Variants in TEX2 observed in about 807,000 individuals in gnomAD.
TEX2 encodes testis expressed 2, also known as testis-expressed protein 2.
TEX2 carries 53 observed loss-of-function variants against 106.9 expected under a neutral mutation model. The ratio of observed to expected loss-of-function variants is 0.50; its 90% CI spans 0.40 to 0.62. TEX2 has a LOEUF of 0.62. TEX2 is among the 20% of genes least tolerant of loss of function. TEX2 has a pLI of 0.00. For missense variants in TEX2, 1,207 were observed against 1,379.0 expected, an observed-to-expected ratio of 0.88 and a Z score of 1.98; for synonymous variants, 523 against 534.8, an observed-to-expected ratio of 0.98 and a Z score of 0.30.
At chr17:64,196,669 C>T (rs967667503) in intron 2 of TEX2, among the ~76,000 whole-genome samples, 1 of 152,156 alleles carries the variant, frequency 6.6e-6, no homozygotes, top group African/African-American at 2.4e-5. Context: ...TCAGAGCATC[C>T]GTTTGGGTGG....
rs574021878 is a variant in TEX2 at position 64,174,556 on chromosome 17, T to C, written c.2571+2769A>G. Among the ~76,000 whole-genome samples the C allele has an allele frequency of 6.6e-5, 10 of 152,292 alleles. No homozygotes were observed. The South Asian group carries it at 2.1e-3, about 32-fold the overall frequency. On this transcript the variant is annotated intron_variant, in intron 6 of 11. Coordinates refer to ENST00000584379, the MANE Select transcript of TEX2 (RefSeq NM_001288732.2). ...CTTCTGTTAAGGTCATTCCTCCTGT[T>C]CTTTTCGACAATAAACTGTTTTCTT...
chr17:64,183,708 G>A (rs762631317), intron 5 of TEX2, among the ~76,000 whole-genome samples: 1 of 152,172 alleles, frequency 6.6e-6, no homozygotes, highest in Non-Finnish European at 1.5e-5. Flanking sequence ...GATTATAGGC[G>A]TGAGCCACCG....
Position 64,188,192 on chromosome 17 carries a change from C to T in TEX2, c.2400G>A (p.Glu800=). Residue 800 remains glutamate, a synonymous_variant, in exon 5 of 12, where the codon GAG becomes GAA. Transcript: ENST00000584379. The part of the protein sequence containing the change: ...SPQRSPLQSA[E]SSPTAGKKLP... Reference sequence around the variant, plus strand: ...CCTTCTTCCCAGCTGTGGGGCTGCTCTCCGCACTCTGCAGGGGGCTCCTCT... The same window carrying T: ...CCTTCTTCCCAGCTGTGGGGCTGCTTTCCGCACTCTGCAGGGGGCTCCTCT... 1 of 1,610,712 alleles carries T rather than the reference C, an allele frequency of 6.2e-7. No homozygotes were observed. The highest frequency in any genetic ancestry group is 8.5e-7 in the Non-Finnish European group (1 of 1,179,988).
At chr17:64,161,046 C>T (rs998495384) in intron 7 of TEX2, 113 bp from the exon 8 acceptor site, 3 of 1,134,968 alleles carry the variant, frequency 2.6e-6, no homozygotes, top group Non-Finnish European at 3.8e-6. Context: ...GTCCATGTAT[C>T]GTCTACTACT....
chr17:64,152,715 A>T (rs1033212633), intron 10 of TEX2, among the ~76,000 whole-genome samples: 3 of 152,220 alleles, frequency 2.0e-5, no homozygotes, highest in South Asian at 2.1e-4. Flanking sequence ...TCATGTATTG[A>T]CTTTAACTTT....
rs1049028412 is a variant in TEX2 at position 64,185,995 on chromosome 17, C to T, written c.2424+2173G>A. On this transcript the variant is annotated intron_variant, in intron 5 of 11. Coordinates refer to ENST00000584379, the MANE Select transcript of TEX2 (RefSeq NM_001288732.2). The surrounding 1 kb of genome is among the most constrained non-coding windows in gnomAD (Gnocchi z 4.0). ...TGCTTAAAGGGTAAGTGCCAGGTGG[C>T]TGGAACAAGAGAGCCCCTGACAGCA... Among the ~76,000 whole-genome samples, 2 of 152,130 alleles carry T rather than the reference C, an allele frequency of 1.3e-5. No homozygotes were observed. The highest frequency in any genetic ancestry group is 4.8e-5 in the African/African-American group (2 of 41,424).
At position 64,193,862 on chromosome 17, in the gene TEX2, G is replaced by T. The variant is rs1351916907; in HGVS notation, c.1873C>A (p.Arg625=). ...TACTTTTTATTCCAGATTCGCTTTCGAGCCAAAGTTTTAGGTACAAGATAA... is the reference window on the plus strand; with the variant it reads ...TACTTTTTATTCCAGATTCGCTTTCTAGCCAAAGTTTTAGGTACAAGATAA... ...KIYLVPKTLA[R]KRIWNKKYPI... The change falls in exon 4 of 12, where the codon CGA becomes AGA. Residue 625 remains arginine (R), a synonymous_variant. Transcript: ENST00000584379. 6.4e-7 allele frequency: 1 copy of T among 1,566,110 alleles called. No individual in the cohort carries two copies. The highest frequency in any genetic ancestry group is 8.7e-7 in the Non-Finnish European group (1 of 1,151,594).
rs1049037616 is a variant in TEX2, at chr17:64,169,343, C to T, written c.2671+1757G>A. Reference sequence around the variant, plus strand: ...CGTGAGCCACCGCACTCAGCCAATGCATCTTTTACAATTTTGCATGGGGTT... The same window carrying T: ...CGTGAGCCACCGCACTCAGCCAATGTATCTTTTACAATTTTGCATGGGGTT... On this transcript the variant is annotated intron_variant, in intron 7 of 11. Coordinates refer to ENST00000584379, the MANE Select transcript of TEX2 (RefSeq NM_001288732.2). Among the ~76,000 whole-genome samples the T allele has an allele frequency of 2.1e-4, 32 of 152,290 alleles. No individual in the cohort carries two copies. The East Asian group carries it at 2.5e-3, about 12-fold the overall frequency.
At chr17:64,156,922 G>A (rs2030656356) in intron 8 of TEX2, among the ~76,000 whole-genome samples, 2 of 152,228 alleles carry the variant, frequency 1.3e-5, no homozygotes, top group Non-Finnish European at 1.5e-5. Flanking sequence ...GCTGTGGCAA[G>A]CTCTCAGGTT....
chr17:64,233,609 C>G (rs1385817015), intron 1 of TEX2, among the ~76,000 whole-genome samples: 1 of 152,040 alleles, frequency 6.6e-6, no homozygotes, highest in Non-Finnish European at 1.5e-5. Flanking sequence ...CATGCATACC[C>G]AGAAAGAGAC....
At chr17:64,175,496 G>A (rs1433074500) in intron 6 of TEX2, among the ~76,000 whole-genome samples, 1 of 152,196 alleles carries the variant, frequency 6.6e-6, no homozygotes, top group African/African-American at 2.4e-5. Flanking sequence ...CCAGGAGGAC[G>A]GGGGCACCTT....
intron 7 of TEX2, among the ~76,000 whole-genome samples, chr17:64,169,061 C>T (rs1476992516): frequency 6.6e-6 from 1 of 151,848 alleles, no homozygotes; most frequent in Admixed American, 6.6e-5. Flanking sequence ...TTTTTTAAGA[C>T]AGAGTCTCGC....
intron 1 of TEX2, among the ~76,000 whole-genome samples, chr17:64,247,268 C>CA (rs35005734): frequency 0.045 from 3,348 of 74,556 alleles, 105 homozygotes; most frequent in African/African-American, 0.14. Context: ...GACTCTGTCT[C>CA]AAAAAAAAAA....
chr17:64,186,980 G>C (rs754620778), intron 5 of TEX2, among the ~76,000 whole-genome samples: 7 of 152,178 alleles, frequency 4.6e-5, no homozygotes, highest in Non-Finnish European at 1.0e-4. Context: ...AGCGAGCCAA[G>C]GGGCCCCTGG....
At chr17:64,252,761 C>A (rs782001930) in intron 1 of TEX2, among the ~76,000 whole-genome samples, 1 of 151,994 alleles carries the variant, frequency 6.6e-6, no homozygotes, top group East Asian at 1.9e-4. Flanking sequence ...GGGTATATAA[C>A]GCGGAGCAAA....
rs781819425 is a variant in TEX2, at chr17:64,213,785, C to G, written c.433G>C (p.Ala145Pro). Reference sequence around the variant, plus strand: ...AGGGATGACACACTGGGAGAGCTAGCTAAGGGCCCCGACGAAGACGACCCT... The same window carrying G: ...AGGGATGACACACTGGGAGAGCTAGGTAAGGGCCCCGACGAAGACGACCCT... ...SPGSSSSGPL[A>P]SSPSVSSLSE... The change falls in exon 2 of 12, where the codon GCT (alanine) becomes CCT (proline). Residue 145 changes from alanine (A) to proline (P), a missense_variant. By Grantham distance (27) the Ala-to-Pro change is conservative (BLOSUM62 -1). This residue lies in a region of TEX2 where 1,067 missense variants were observed against 1,193.6 expected (regional missense o/e 0.89). Coordinates refer to ENST00000584379, the MANE Select transcript of TEX2 (RefSeq NM_001288732.2). The surrounding 1 kb of genome is among the most constrained non-coding windows in gnomAD (Gnocchi z 4.4). The G allele has an allele frequency of 3.1e-6, 5 of 1,614,062 alleles. No homozygotes were observed. The highest frequency in any genetic ancestry group is 3.3e-5 in the Admixed American group (2 of 60,006).
At chr17:64,216,657 T>A (rs1350502130) in intron 1 of TEX2, among the ~76,000 whole-genome samples, 1 of 152,152 alleles carries the variant, frequency 6.6e-6, no homozygotes, top group Non-Finnish European at 1.5e-5. Flanking sequence ...AAAACAGCAA[T>A]GCGTTCAGAA....
chr17:64,154,225 T>C (rs538875346), intron 9 of TEX2, among the ~76,000 whole-genome samples: 8 of 152,322 alleles, frequency 5.3e-5, no homozygotes, highest in African/African-American at 1.7e-4. Flanking sequence ...AATAGGTTGG[T>C]TTTTTCTTAT....
chr17:64,261,362 G>T (rs1272726651), intron 1 of TEX2, among the ~76,000 whole-genome samples: 1 of 151,970 alleles, frequency 6.6e-6, no homozygotes, highest in Non-Finnish European at 1.5e-5. Context: ...TTATTCTATC[G>T]AAAAGCCTAA....
Sources: gnomAD v4.1 joint callset for allele counts (sites outside exome capture counted in the v4.1 genomes callset) on GRCh38, gnomAD v4.1.1 for gene constraint, gnomAD v4.1.1 regional missense constraint, Gnocchi (gnomAD v3.1) non-coding constraint, MANE v1.5 for transcripts, NCBI Gene and HGNC (gene_info 2026-07-23, HGNC 2026-07-21) for gene names.